The following OR8D1 variants were observed in gnomAD, a reference collection of about 807,000 sequenced individuals.
OR8D1 encodes olfactory receptor 8D1.
For synonymous variants in OR8D1, 143 were observed against 147.0 expected (o/e 0.97, Z 0.20); for missense variants, 384 against 366.8 (o/e 1.05, Z -0.38).
chr11:124,307,049 A>G lies in OR8D1; in HGVS notation c.*2791T>C, dbSNP rs188201545. 1 of 152,202 alleles carries G rather than the reference A, an allele frequency of 6.6e-6. No homozygotes were observed. The highest frequency in any genetic ancestry group is 1.9e-4 in the East Asian group (1 of 5,166). The allele number at this position is 152,202 out of a possible 1,614,324, so 9.4% of individuals were successfully genotyped here. On this transcript the variant is annotated 3_prime_UTR_variant, in exon 3 of 3. Coordinates refer to ENST00000641015, the MANE Select transcript of OR8D1 (RefSeq NM_001002917.2). ...GACCTACAGGGATCCAGCATTTTCT[A>G]TGGTTCAAGTGGCAATTTTGTCTAA...
At position 124,309,549 on chromosome 11, in the gene OR8D1, G is replaced by A. The variant is rs189668680; in HGVS notation, c.*291C>T. On this transcript the variant is annotated 3_prime_UTR_variant, in exon 3 of 3. Coordinates refer to ENST00000641015, the MANE Select transcript of OR8D1 (RefSeq NM_001002917.2). ...GCAAACATGGGATATTAGGAAGAGA[G>A]GACTAACATTGGAGAAAATCTGAAT... 2.0e-3 allele frequency: 356 copies of A among 178,390 alleles called. 1 individual carries two copies. The highest frequency in any genetic ancestry group is 3.0e-3 in the Non-Finnish European group (256 of 85,214). 11.1% of individuals were successfully genotyped at this position (178,390 alleles called of 1,614,324 possible).
At chr11:124,310,886 T>G in intron 2 of OR8D1, 104 bp from the exon 3 acceptor site, 1 of 672,556 alleles carries the variant, frequency 1.5e-6, no homozygotes, top group Non-Finnish European at 2.5e-6. Context: ...ACAGACTGAG[T>G]CATAGTTTTC....
In OR8D1 at chr11:124,309,945, G is replaced by A; in HGVS notation, c.822C>T (p.Ser274=). The change falls in exon 3 of 3, where the codon TCC becomes TCT. Residue 274 remains serine, a synonymous_variant. Transcript: ENST00000641015. ...GGATCACCGTGGTGTAGAACACAGA[G>A]GACACCTTCTCCTGGTCCAGGGAGT... is the stretch of plus-strand genomic sequence containing the variant. ...SSNSLDQEKV[S]SVFYTTVIPM... 1 of 1,554,934 alleles carries A rather than the reference G, an allele frequency of 6.4e-7. No homozygotes were observed.
intron 1 of OR8D1, among the ~76,000 whole-genome samples, chr11:124,312,094 G>A (rs957927707): frequency 2.0e-5 from 3 of 152,094 alleles, no homozygotes; most frequent in Non-Finnish European, 4.4e-5. Context: ...AAGGTAAAAT[G>A]GTAAATGTAA....
At position 124,305,591 on chromosome 11, in the gene OR8D1, T is replaced by A. The variant is rs1355699429; in HGVS notation, c.*4249A>T. On this transcript the variant is annotated 3_prime_UTR_variant, in exon 3 of 3. Coordinates refer to ENST00000641015, the MANE Select transcript of OR8D1 (RefSeq NM_001002917.2). ...CCAGGAGTGATGCTAATATTCTATA[T>A]CTTTACCTGGAGAGTCACTAAATAG... 1 of 151,864 alleles carries A rather than the reference T, an allele frequency of 6.6e-6. No homozygotes were observed. The highest frequency in any genetic ancestry group is 2.4e-5 in the African/African-American group (1 of 41,402). The allele number at this position is 151,864 out of a possible 1,614,324, so 9.4% of individuals were successfully genotyped here.
Position 124,304,267 on chromosome 11 carries a change from T to C in OR8D1, c.*5573A>G, listed in dbSNP as rs1298613721. On this transcript the variant is annotated 3_prime_UTR_variant, in exon 3 of 3. Transcript: ENST00000641015. ...AGGTTTATATTGCCTATTCTTGCAC[T>C]TGAAATAAATTGATTTATACTGTGT... The C allele has an allele frequency of 6.6e-6, 1 of 152,006 alleles. No individual in the cohort carries two copies. Among genetic ancestry groups the C allele is most frequent in the African/African-American group, 2.4e-5 (1 of 41,446 alleles). The allele number at this position is 152,006 out of a possible 1,614,324, so 9.4% of individuals were successfully genotyped here. A position where few individuals can be genotyped will look rare whatever the true frequency, so the allele number is the denominator to read the frequency against.
At chr11:124,311,030 GA>G (rs1862417056) in intron 2 of OR8D1, among the ~76,000 whole-genome samples, 1 of 152,076 alleles carries the variant, frequency 6.6e-6, no homozygotes, top group South Asian at 2.1e-4. Flanking sequence ...GAATTTGGTA[GA>G]AAAAAAGCAA....
chr11:124,309,898 T>C lies in OR8D1; in HGVS notation c.869A>G (p.Tyr290Cys). ...CTTCACATCCTTATTCCTCAGACTGTATATTAAAGGGTTCAGCATGGGGAT... is the reference window on the plus strand; with the variant it reads ...CTTCACATCCTTATTCCTCAGACTGCATATTAAAGGGTTCAGCATGGGGAT... ...TVIPMLNPLI[Y>C]SLRNKDVKKA... Residue 290 changes from tyrosine to cysteine, a missense_variant, in exon 3 of 3, where the codon TAC becomes TGC. Coordinates refer to ENST00000641015, the MANE Select transcript of OR8D1 (RefSeq NM_001002917.2). 1 of 1,508,762 alleles carries C rather than the reference T, an allele frequency of 6.6e-7. No homozygotes were observed. Among genetic ancestry groups the C allele is most frequent in the Non-Finnish European group, 8.9e-7 (1 of 1,129,484 alleles). The allele number at this position is 1,508,762 out of a possible 1,614,324, so 93.5% of individuals were successfully genotyped here. A position where few individuals can be genotyped will look rare whatever the true frequency, so the allele number is the denominator to read the frequency against.
rs1054304357 is a variant in OR8D1, at chr11:124,310,637, C to A, written c.130G>T (p.Gly44Cys). ...CTGACTGCAATCAGGAGAATCATGC[C>A]CAGGTTGCCCACTACTGTGACCACA... ...IYVVTVVGNL[G>C]MILLIAVSPL... The change falls in exon 3 of 3, where the codon GGC becomes TGC. Residue 44 changes from glycine to cysteine, a missense_variant. Gly to Cys is a radical substitution (Grantham distance 159). Coordinates refer to ENST00000641015, the MANE Select transcript of OR8D1 (RefSeq NM_001002917.2). 7 of 1,613,716 alleles carry A rather than the reference C, an allele frequency of 4.3e-6. No homozygotes were observed. Among genetic ancestry groups the A allele is most frequent in the Non-Finnish European group, 5.9e-6 (7 of 1,179,900 alleles).
chr11:124,311,391 C>T (rs1429184642), intron 2 of OR8D1, among the ~76,000 whole-genome samples, 181 bp downstream of exon 2: 1 of 152,048 alleles, frequency 6.6e-6, no homozygotes, highest in Non-Finnish European at 1.5e-5. Flanking sequence ...GTGGGGGAGG[C>T]AAAAGCTTCA....
chr11:124,307,620 A>C lies in OR8D1; in HGVS notation c.*2220T>G, dbSNP rs904615770. 2 of 152,168 alleles carry C rather than the reference A, an allele frequency of 1.3e-5. No homozygotes were observed. Among genetic ancestry groups the C allele is most frequent in the African/African-American group, 4.8e-5 (2 of 41,456 alleles). 9.4% of individuals were successfully genotyped at this position (152,168 alleles called of 1,614,324 possible). A position where few individuals can be genotyped will look rare whatever the true frequency, so the allele number is the denominator to read the frequency against. On this transcript the variant is annotated 3_prime_UTR_variant, in exon 3 of 3. Transcript: ENST00000641015. ...TAGCAACTGCGAAAGCCACTTAAGA[A>C]TCAGAAAATATTGGTGCAGCTTAAA...
Position 124,310,779 on chromosome 11 carries a change from A to G in OR8D1, c.-13T>C. 6.3e-7 allele frequency: 1 copy of G among 1,590,902 alleles called. No homozygotes were observed. The highest frequency in any genetic ancestry group is 8.6e-7 in the Non-Finnish European group (1 of 1,166,424). ...TTTCCATGGTCATTCTTCTTTAGGC[A>G]TTTCTGTGAAAATAGAAAGTATGAA... is the stretch of plus-strand genomic sequence containing the variant. On this transcript the variant is annotated 5_prime_UTR_variant, in exon 3 of 3. It removes an upstream start codon present in the reference 5' UTR. Transcript: ENST00000641015.
At chr11:124,312,678 C>T (rs1394274876) in intron 1 of OR8D1, among the ~76,000 whole-genome samples, 1 of 151,630 alleles carries the variant, frequency 6.6e-6, no homozygotes, top group Non-Finnish European at 1.5e-5. Flanking sequence ...CCACCAAGCT[C>T]AGGTAATTTT....
rs772632862 is a variant in OR8D1 at position 124,310,459 on chromosome 11, A to T, written c.308T>A (p.Phe103Tyr). The change falls in exon 3 of 3, where the codon TTC (phenylalanine) becomes TAC (tyrosine). Residue 103 changes from phenylalanine to tyrosine, a missense_variant. Coordinates refer to ENST00000641015, the MANE Select transcript of OR8D1 (RefSeq NM_001002917.2). ...CTCAGCCACCACAAAGACCACAAAG[A>T]AAAAGAGCTGGACCATGCACTCAGA... ...LYSECMVQLFFFVVFVVAEGY... is the reference protein window; with the variant it reads ...LYSECMVQLFYFVVFVVAEGY... The T allele has an allele frequency of 6.2e-7, 1 of 1,613,682 alleles. No individual in the cohort carries two copies. Among genetic ancestry groups the T allele is most frequent in the Admixed American group, 1.7e-5 (1 of 59,934 alleles).
At position 124,303,490 on chromosome 11, in the gene OR8D1, G is replaced by T. The variant is rs1862341848; in HGVS notation, c.*6350C>A. ...GGACGTTCTGTTTTCAATGTAAATT[G>T]CTGCTTATATCTTTTGCCTGGTTTT... On this transcript the variant is annotated 3_prime_UTR_variant, in exon 3 of 3. Transcript: ENST00000641015. 6.6e-6 allele frequency: 1 copy of T among 152,110 alleles called. No individual in the cohort carries two copies. Among genetic ancestry groups the T allele is most frequent in the African/African-American group, 2.4e-5 (1 of 41,534 alleles). The allele number at this position is 152,110 out of a possible 1,614,324, so 9.4% of individuals were successfully genotyped here.
Position 124,303,327 on chromosome 11 carries a change from G to T in OR8D1, c.*6513C>A, listed in dbSNP as rs565733269. 6.6e-6 allele frequency: 1 copy of T among 152,210 alleles called. No homozygotes were observed. Among genetic ancestry groups the T allele is most frequent in the South Asian group, 2.1e-4 (1 of 4,824 alleles). 9.4% of individuals were successfully genotyped at this position (152,210 alleles called of 1,614,324 possible). A position where few individuals can be genotyped will look rare whatever the true frequency, so the allele number is the denominator to read the frequency against. ...CCACCTCCCTCTCTTGACACACGGG[G>T]ATTACAGGTCCCTCTGTCGACACGT... On this transcript the variant is annotated 3_prime_UTR_variant, in exon 3 of 3. Coordinates refer to ENST00000641015, the MANE Select transcript of OR8D1 (RefSeq NM_001002917.2).
chr11:124,312,186 C>T (rs1862427513), intron 1 of OR8D1, among the ~76,000 whole-genome samples: 1 of 152,184 alleles, frequency 6.6e-6, no homozygotes, highest in African/African-American at 2.4e-5. Flanking sequence ...AAGTACATAA[C>T]ATCAGGAGAT....
Position 124,309,689 on chromosome 11 carries a change from T to G in OR8D1, c.*151A>C. The G allele has an allele frequency of 2.3e-6, 1 of 426,910 alleles. No individual in the cohort carries two copies. The highest frequency in any genetic ancestry group is 4.1e-6 in the Non-Finnish European group (1 of 246,474). The allele number at this position is 426,910 out of a possible 1,614,324, so 26.4% of individuals were successfully genotyped here. A position where few individuals can be genotyped will look rare whatever the true frequency, so the allele number is the denominator to read the frequency against. On this transcript the variant is annotated 3_prime_UTR_variant, in exon 3 of 3. Coordinates refer to ENST00000641015, the MANE Select transcript of OR8D1 (RefSeq NM_001002917.2). ...GCTTTACACAATTCTTTTATTTTGT[T>G]GAGAAAGTTGAATCAATCATAGATG...
intron 1 of OR8D1, among the ~76,000 whole-genome samples, chr11:124,311,995 G>A (rs1285733707): frequency 6.6e-6 from 1 of 152,202 alleles, no homozygotes; most frequent in Non-Finnish European, 1.5e-5. Flanking sequence ...TTCAAGGGTT[G>A]ACTTTACTGC....
Sources: gnomAD v4.1 joint callset for allele counts (sites outside exome capture counted in the v4.1 genomes callset) on GRCh38, gnomAD v4.1.1 for gene constraint, MANE v1.5 for transcripts, NCBI Gene and HGNC (gene_info 2026-07-23, HGNC 2026-07-21) for gene names.